Variants in ZNF276 observed in about 807,000 individuals in gnomAD.
ZNF276 encodes the protein zinc finger protein 276.
ZNF276 carries 59 observed loss-of-function variants against 63.9 expected under a neutral mutation model. The observed-to-expected ratio is 0.92, with a 90% CI of 0.75 to 1.15. The LOEUF (loss-of-function observed/expected upper bound fraction) is 1.15, where lower values mean the gene tolerates loss of function less well. Ranked by LOEUF, ZNF276 falls within the 50% of genes most tolerant of loss-of-function variation. The pLI is 0.00. For missense variants in ZNF276, 1,084 were observed against 843.8 expected, an observed-to-expected ratio of 1.28 and a Z score of -3.53; for synonymous variants, 496 against 348.4, an observed-to-expected ratio of 1.42 and a Z score of -4.72.
Position 89,739,566 on chromosome 16 carries a change from G to A in ZNF276, c.*1320G>A, listed in dbSNP as rs2151713113. On this transcript the variant is annotated 3_prime_UTR_variant, in exon 11 of 11. Transcript: ENST00000443381. ...CCCAGCCTGAGGTCTGCAACACCAA[G>A]AAGTGGCTCAGGCAACTCTGGACAT... 1.9e-6 allele frequency: 3 copies of A among 1,551,028 alleles called. No homozygotes were observed. The highest frequency in any genetic ancestry group is 1.7e-6 in the Non-Finnish European group (2 of 1,146,880).
chr16:89,727,503 A>G, intron 5 of ZNF276, 146 bp downstream of exon 5: 1 of 893,114 alleles, frequency 1.1e-6, no homozygotes, highest in Non-Finnish European at 1.7e-6. Context: ...TCGGCTGCCC[A>G]TGCGCTGGTA....
intron 4 of ZNF276, among the ~76,000 whole-genome samples, chr16:89,724,379 G>A (rs566897604): frequency 3.3e-5 from 5 of 152,310 alleles, no homozygotes; most frequent in Non-Finnish European, 5.9e-5. Flanking sequence ...TCCGAAAAGC[G>A]TAGCTACCTG....
intron 6 of ZNF276, among the ~76,000 whole-genome samples, chr16:89,730,596 C>G (rs1286746097): frequency 2.6e-5 from 4 of 152,162 alleles, no homozygotes; most frequent in Non-Finnish European, 5.9e-5. Flanking sequence ...CAAAGACGTG[C>G]TTTGGAACAG....
chr16:89,727,218 T>C (rs1341924962), intron 4 of ZNF276, 61 bp from the exon 5 acceptor site: 2 of 1,530,022 alleles, frequency 1.3e-6, no homozygotes, highest in East Asian at 4.5e-5. Context: ...CATGCCTCCT[T>C]GCAGGTGAGA....
chr16:89,733,518 G>C lies in ZNF276; in HGVS notation c.1317G>C (p.Gln439His). The C allele has an allele frequency of 2.5e-6, 4 of 1,614,190 alleles. No individual in the cohort carries two copies. Among genetic ancestry groups the C allele is most frequent in the Non-Finnish European group, 3.4e-6 (4 of 1,180,052 alleles). The change falls in exon 8 of 11, where the codon CAG (glutamine) becomes CAC (histidine). Residue 439 changes from glutamine to histidine, a missense_variant. Coordinates refer to ENST00000443381, the MANE Select transcript of ZNF276 (RefSeq NM_001113525.2). ...ELPTIYKCPY[Q>H]GCTAVYRGAD... is the part of the protein sequence containing the mutation. Reference sequence around the variant, plus strand: ...CCACCATCTACAAGTGTCCTTACCAGGGCTGCACGGCCGTGTACCGAGGCG... The same window carrying C: ...CCACCATCTACAAGTGTCCTTACCACGGCTGCACGGCCGTGTACCGAGGCG...
At chr16:89,721,236 C>G, upstream of ZNF276, 1 of 226,310 alleles carries the variant, frequency 4.4e-6, no homozygotes, top group Non-Finnish European at 8.6e-6. Context: ...GCCGCGTGGC[C>G]TCCGCCGGCG....
Position 89,739,557 on chromosome 16 carries a change from C to CA in ZNF276, c.*1313dup, listed in dbSNP as rs2151713066. ...AGGAGCCGCCCCAGCCTGAGGTCTG[C>CA]AACACCAAGAAGTGGCTCAGGCAAC... On this transcript the variant is annotated 3_prime_UTR_variant, in exon 11 of 11. Transcript: ENST00000443381. 2.6e-6 allele frequency: 4 copies of CA among 1,551,154 alleles called. No individual in the cohort carries two copies. In the East Asian group the frequency reaches 9.8e-5, roughly 38 times the overall value.
chr16:89,723,970 G>C (rs999562113), intron 4 of ZNF276, among the ~76,000 whole-genome samples: 1 of 152,250 alleles, frequency 6.6e-6, no homozygotes, highest in Non-Finnish European at 1.5e-5. Flanking sequence ...CTCATCAGCC[G>C]TCGAGTCTTT....
At chr16:89,730,263 C>T (rs2061602897) in intron 6 of ZNF276, among the ~76,000 whole-genome samples, 2 of 152,118 alleles carry the variant, frequency 1.3e-5, no homozygotes, top group Admixed American at 6.5e-5. Context: ...GCCCGGGGGT[C>T]CCTACCCCCA....
chr16:89,720,395 G>A, upstream of ZNF276: 2 of 1,001,604 alleles, frequency 2.0e-6, no homozygotes, highest in Non-Finnish European at 2.4e-6. Context: ...TGTGGCAACC[G>A]GATTAAATCT....
upstream of ZNF276, chr16:89,720,872 G>T (rs1367747653): frequency 2.2e-6 from 3 of 1,359,092 alleles, no homozygotes; most frequent in Non-Finnish European, 2.9e-6. Flanking sequence ...GGCGCCGAGC[G>T]GGGGAGGCGG....
chr16:89,733,551 C>T lies in ZNF276; in HGVS notation c.1350C>T (p.Gly450=). The change falls in exon 8 of 11, where the codon GGC becomes GGT. Residue 450 remains glycine, a synonymous_variant. Coordinates refer to ENST00000443381, the MANE Select transcript of ZNF276 (RefSeq NM_001113525.2). ...CGGCCGTGTACCGAGGCGCTGACGG[C>T]ATGAAGGTGAGCACTGGCTGTGCCT... ...GCTAVYRGAD[G]MKKHIKEHHE... 1.2e-6 allele frequency: 2 copies of T among 1,613,990 alleles called. No homozygotes were observed. The highest frequency in any genetic ancestry group is 1.1e-5 in the South Asian group (1 of 91,080).
intron 1 of ZNF276, 55 bp from the exon 2 acceptor site, chr16:89,722,476 C>A: frequency 6.5e-7 from 1 of 1,541,694 alleles, no homozygotes; most frequent in South Asian, 1.2e-5. Context: ...CCGGGACGCC[C>A]TGTGCTCAGG....
At position 89,734,002 on chromosome 16, in the gene ZNF276, C is replaced by G; in HGVS notation, c.1438C>G (p.Arg480Gly). Residue 480 changes from arginine to glycine, a missense_variant, in exon 9 of 11, where the codon CGC becomes GGC. By Grantham distance (125) the Arg-to-Gly change is moderately radical. Coordinates refer to ENST00000443381, the MANE Select transcript of ZNF276 (RefSeq NM_001113525.2). ...CTGCAACAAGGTTTTCATGATCGAC[C>G]GCTACCTGCAGCGCCACGTGAAGCT... ...PGCNKVFMIDRYLQRHVKLIH... is the reference protein window; with the variant it reads ...PGCNKVFMIDGYLQRHVKLIH... The G allele has an allele frequency of 1.2e-6, 2 of 1,614,084 alleles. No homozygotes were observed. The highest frequency in any genetic ancestry group is 1.7e-6 in the Non-Finnish European group (2 of 1,180,036).
At chr16:89,729,468 G>A (rs2061576737) in intron 6 of ZNF276, 150 bp downstream of exon 6, 2 of 688,230 alleles carry the variant, frequency 2.9e-6, no homozygotes, top group Non-Finnish European at 5.0e-6. Context: ...CCCTCAGTGA[G>A]CGGGAGGCGG....
chr16:89,735,165 A>G (rs1010460217), intron 9 of ZNF276, among the ~76,000 whole-genome samples: 4 of 151,966 alleles, frequency 2.6e-5, no homozygotes, highest in Admixed American at 2.0e-4. Flanking sequence ...GTGGACCCAC[A>G]TATCCATGGT....
In ZNF276 at chr16:89,738,816, C is replaced by G; in HGVS notation, c.*570C>G. On this transcript the variant is annotated 3_prime_UTR_variant, in exon 11 of 11. Coordinates refer to ENST00000443381, the MANE Select transcript of ZNF276 (RefSeq NM_001113525.2). ...AGTTGTATTGCCAGCCAGGCAGGCACATGGCCCAGGCAGCTGTCAATTCTC... is the reference window on the plus strand; with the variant it reads ...AGTTGTATTGCCAGCCAGGCAGGCAGATGGCCCAGGCAGCTGTCAATTCTC... 6.2e-7 allele frequency: 1 copy of G among 1,614,018 alleles called. No individual in the cohort carries two copies. The highest frequency in any genetic ancestry group is 8.5e-7 in the Non-Finnish European group (1 of 1,179,982).
Sources: gnomAD v4.1 joint callset for allele counts (sites outside exome capture counted in the v4.1 genomes callset) on GRCh38, gnomAD v4.1.1 for gene constraint, MANE v1.5 for transcripts, NCBI Gene and HGNC (gene_info 2026-07-23, HGNC 2026-07-21) for gene names.